Variants in AGBL4 observed in about 807,000 individuals in gnomAD.
The protein encoded by AGBL4 is cytosolic carboxypeptidase 6.
AGBL4 carries 58 observed loss-of-function variants against 66.4 expected under a neutral mutation model. The ratio of observed to expected loss-of-function variants is 0.87; its 90% CI spans 0.71 to 1.09. The LOEUF (loss-of-function observed/expected upper bound fraction) is 1.09. Ranked by LOEUF, AGBL4 falls within the 50% of genes least tolerant of loss-of-function variation. The pLI, the probability that AGBL4 is intolerant of heterozygous loss-of-function variation, is 0.00. For synonymous variants in AGBL4, 234 were observed against 222.9 expected (o/e 1.05, Z -0.44); for missense variants, 579 against 631.0 (o/e 0.92, Z 0.88).
chr1:49,476,719 A>G (rs747092796), intron 3 of AGBL4, among the ~76,000 whole-genome samples: 1 of 152,048 alleles, frequency 6.6e-6, no homozygotes, highest in Non-Finnish European at 1.5e-5. Context: ...TAATATAAGA[A>G]TAGTGATCTC....
intron 1 of AGBL4, among the ~76,000 whole-genome samples, chr1:49,871,470 T>A (rs1646837230): frequency 6.6e-6 from 1 of 152,102 alleles, no homozygotes; most frequent in South Asian, 2.1e-4. Flanking sequence ...TGACCTGTGA[T>A]CCTATTCTGT....
At chr1:48,677,778 A>C (rs1051479974) in intron 6 of AGBL4, among the ~76,000 whole-genome samples, 1 of 152,242 alleles carries the variant, frequency 6.6e-6, no homozygotes, top group Non-Finnish European at 1.5e-5. Context: ...CCCCTAGAAC[A>C]GTGCAAGCCA....
chr1:49,735,334 T>TGTGTAG (rs57275876), intron 2 of AGBL4, among the ~76,000 whole-genome samples: 5 of 138,984 alleles, frequency 3.6e-5, no homozygotes, highest in African/African-American at 1.3e-4. Flanking sequence ...TGTGTGTGTG[T>TGTGTAG]AGAGAGAGAG....
At chr1:49,889,032 G>A (rs1304855251) in intron 1 of AGBL4, among the ~76,000 whole-genome samples, 1 of 152,166 alleles carries the variant, frequency 6.6e-6, no homozygotes, top group African/African-American at 2.4e-5. Flanking sequence ...GTTCACAGTT[G>A]TTCACAATTA....
intron 3 of AGBL4, among the ~76,000 whole-genome samples, chr1:49,308,069 C>T (rs1644879233): frequency 6.6e-6 from 1 of 152,088 alleles, no homozygotes; most frequent in African/African-American, 2.4e-5. Context: ...CTCTCTCTTG[C>T]CCCTGCTCCT....
intron 5 of AGBL4, among the ~76,000 whole-genome samples, chr1:48,958,484 T>C (rs1457847582): frequency 6.6e-6 from 1 of 152,238 alleles, no homozygotes; most frequent in African/African-American, 2.4e-5. Flanking sequence ...AAGTGATGTA[T>C]ACTACGTTTA....
At position 49,273,762 on chromosome 1, in the gene AGBL4, C is replaced by A. The variant is rs182052848; in HGVS notation, c.283-27898G>T. Among the ~76,000 whole-genome samples the A allele has an allele frequency of 5.1e-3, 777 of 152,096 alleles. 3 individuals carry two copies. Among genetic ancestry groups the A allele is most frequent in the Non-Finnish European group, 9.1e-3 (618 of 67,980 alleles). On this transcript the variant is annotated intron_variant, in intron 3 of 13. Transcript: ENST00000371839. ...TACAATCTTGGCTCACTGCAAGCTC[C>A]ACCTCCCAGTTCACGCCATTCTCCT...
the AGBL4 span, among the ~76,000 whole-genome samples, chr1:48,526,499 A>G: frequency 2.6e-5 from 4 of 152,218 alleles, no homozygotes; most frequent in Non-Finnish European, 5.9e-5. Context: ...AGGGCAGAAC[A>G]GCAGTAACAG....
At chr1:49,533,694 C>A (rs939253722) in intron 3 of AGBL4, among the ~76,000 whole-genome samples, 1 of 152,138 alleles carries the variant, frequency 6.6e-6, no homozygotes, top group African/African-American at 2.4e-5. Flanking sequence ...TTTCTGTATG[C>A]CTTGCTGACA....
At position 49,012,237 on chromosome 1, in the gene AGBL4, G is replaced by C. The variant is rs553169128; in HGVS notation, c.594+33347C>G. Among the ~76,000 whole-genome samples the C allele has an allele frequency of 2.6e-4, 40 of 152,134 alleles. 2 individuals are homozygous for C. The South Asian group carries it at 7.9e-3, about 30-fold the overall frequency. ...GATGACACGGATAACAGTGAGCCTG[G>C]GTTTCAGAGCTAACTATCTGCTCTC... On this transcript the variant is annotated intron_variant, in intron 5 of 13. Coordinates refer to ENST00000371839, the MANE Select transcript of AGBL4 (RefSeq NM_032785.4).
intron 2 of AGBL4, among the ~76,000 whole-genome samples, chr1:49,839,039 G>T (rs1356918686): frequency 6.6e-6 from 1 of 152,162 alleles, no homozygotes; most frequent in Admixed American, 6.5e-5. Context: ...CTTCAATTGT[G>T]CTTTCCAAGG....
At chr1:49,142,937 A>G (rs925156690) in intron 4 of AGBL4, among the ~76,000 whole-genome samples, 14 of 152,120 alleles carry the variant, frequency 9.2e-5, no homozygotes, top group African/African-American at 3.4e-4. Flanking sequence ...CAATACTTAC[A>G]TATGTTCACT....
chr1:49,154,768 T>C (rs1646399844), intron 4 of AGBL4, among the ~76,000 whole-genome samples: 1 of 152,156 alleles, frequency 6.6e-6, no homozygotes, highest in Non-Finnish European at 1.5e-5. Flanking sequence ...GAATAAGCAA[T>C]ATATTTGAAT....
intron 5 of AGBL4, among the ~76,000 whole-genome samples, chr1:48,879,863 A>G (rs184974446): frequency 9.2e-5 from 14 of 152,328 alleles, no homozygotes; most frequent in African/African-American, 3.1e-4. Flanking sequence ...AAATACTTTG[A>G]TCATAGTATA....
chr1:48,971,374 AC>A (rs1375167246), intron 5 of AGBL4, among the ~76,000 whole-genome samples: 1 of 151,820 alleles, frequency 6.6e-6, no homozygotes, highest in African/African-American at 2.4e-5. Context: ...CTCCCCCTCC[AC>A]CCCCAGTGGA....
chr1:49,930,577 T>A (rs1394990615), intron 1 of AGBL4, among the ~76,000 whole-genome samples: 1 of 152,148 alleles, frequency 6.6e-6, no homozygotes, highest in African/African-American at 2.4e-5. Flanking sequence ...AAACACATGA[T>A]GTATCATGAT....
intron 3 of AGBL4, among the ~76,000 whole-genome samples, chr1:49,267,634 C>T (rs1267926644): frequency 3.3e-5 from 5 of 151,870 alleles, no homozygotes; most frequent in Admixed American, 3.3e-4. Context: ...GAGCTGAGAT[C>T]ACACCACTGC....
intron 4 of AGBL4, among the ~76,000 whole-genome samples, chr1:49,147,927 C>A (rs1490353592): frequency 1.3e-5 from 2 of 152,090 alleles, no homozygotes; most frequent in Non-Finnish European, 2.9e-5. Flanking sequence ...TATGCACTAT[C>A]CTGTCTGTGT....
intron 3 of AGBL4, among the ~76,000 whole-genome samples, chr1:49,544,273 T>G (rs114169352): frequency 6.6e-6 from 1 of 152,304 alleles, no homozygotes; most frequent in Non-Finnish European, 1.5e-5. Flanking sequence ...TGGGTAACAA[T>G]GTATCTGCCT....
Sources: gnomAD v4.1 joint callset for allele counts (sites outside exome capture counted in the v4.1 genomes callset) on GRCh38, gnomAD v4.1.1 for gene constraint, MANE v1.5 for transcripts, NCBI Gene and HGNC (gene_info 2026-07-23, HGNC 2026-07-21) for gene names.